The following BLM variants were observed in gnomAD, a reference collection of about 807,000 sequenced individuals.
BLM encodes the protein recQ-like DNA helicase BLM.
In BLM, 95 loss-of-function variants were observed where a neutral mutation model predicts 135.3. The ratio of observed to expected loss-of-function variants is 0.70; its 90% confidence interval spans 0.59 to 0.83. The LOEUF (loss-of-function observed/expected upper bound fraction) is 0.83. BLM is among the 40% of genes least tolerant of loss of function. The probability of loss-of-function intolerance (pLI) is 0.00; values close to 1 mark genes in which losing one functional copy is unlikely to be tolerated. For synonymous variants in BLM, 520 were observed against 589.2 expected, an observed-to-expected ratio of 0.88 and a Z score of 1.70; for missense variants, 1,518 against 1,663.9, an observed-to-expected ratio of 0.91 and a Z score of 1.53.
chr15:90,774,879 T>C (rs1326339454), intron 12 of BLM, among the ~76,000 whole-genome samples: 1 of 148,510 alleles, frequency 6.7e-6, no homozygotes, highest in Non-Finnish European at 1.5e-5. Context: ...TGGAGAAACA[T>C]AGAGAAGGGA....
Position 90,751,205 on chromosome 15 carries a change from C to T in BLM, c.800-582C>T, listed in dbSNP as rs560281930. 4.6e-5 allele frequency among the ~76,000 whole-genome samples: 7 copies of T among 152,208 alleles called. No homozygotes were observed. The East Asian group carries it at 1.2e-3, about 25-fold the overall frequency. Reference sequence around the variant, plus strand: ...CAAATATGAGAGTAAAATTTTTAAACCCCTGAATCCCATTAAGGTTACTCT... The same window carrying T: ...CAAATATGAGAGTAAAATTTTTAAATCCCTGAATCCCATTAAGGTTACTCT... On this transcript the variant is annotated intron_variant, in intron 3 of 21. Coordinates refer to ENST00000355112, the MANE Select transcript of BLM (RefSeq NM_000057.4).
chr15:90,803,847 T>C, intron 18 of BLM, 127 bp downstream of exon 18: 1 of 1,012,648 alleles, frequency 9.9e-7, no homozygotes, highest in South Asian at 1.5e-5. Context: ...TATACGAACA[T>C]ATTCTGTTTT....
intron 19 of BLM, among the ~76,000 whole-genome samples, chr15:90,807,452 G>C (rs573831421): frequency 1.3e-5 from 2 of 152,166 alleles, no homozygotes; most frequent in East Asian, 3.9e-4. Context: ...CCCAGGCTGG[G>C]TGCAGTGGTT....
At chr15:90,752,365 C>G (rs756011761) in intron 4 of BLM, among the ~76,000 whole-genome samples, 1 of 151,930 alleles carries the variant, frequency 6.6e-6, no homozygotes, top group Non-Finnish European at 1.5e-5. Flanking sequence ...TCAGTAGAGA[C>G]GAGGTTTTGC....
At chr15:90,745,501 CTAGG>C (rs1895477089) in intron 1 of BLM, among the ~76,000 whole-genome samples, 1 of 152,102 alleles carries the variant, frequency 6.6e-6, no homozygotes, top group Non-Finnish European at 1.5e-5. Context: ...TATCTGCCTC[CTAGG>C]CTCAAGCAGT....
At chr15:90,739,293 C>T (rs975123862) in intron 1 of BLM, among the ~76,000 whole-genome samples, 1 of 152,128 alleles carries the variant, frequency 6.6e-6, no homozygotes, top group Non-Finnish European at 1.5e-5. Context: ...CCCAGCTACT[C>T]AGGAGGCTCG....
At chr15:90,802,975 A>G (rs1379371434) in intron 17 of BLM, among the ~76,000 whole-genome samples, 1 of 152,086 alleles carries the variant, frequency 6.6e-6, no homozygotes, top group Non-Finnish European at 1.5e-5. Context: ...TTAAAAATTA[A>G]TAAATACTAG....
chr15:90,726,734 G>T (rs1894928338), intron 1 of BLM, among the ~76,000 whole-genome samples: 1 of 152,134 alleles, frequency 6.6e-6, no homozygotes, highest in African/African-American at 2.4e-5. Context: ...ATGTCCTCAG[G>T]TTCCATGTTG....
chr15:90,724,950 C>T (rs1255806426), intron 1 of BLM, among the ~76,000 whole-genome samples: 1 of 152,122 alleles, frequency 6.6e-6, no homozygotes, highest in East Asian at 1.9e-4. Flanking sequence ...ACTCTGTCGC[C>T]CAGGCTGGAG....
intron 1 of BLM, among the ~76,000 whole-genome samples, chr15:90,742,191 T>C (rs945989916): frequency 1.3e-5 from 2 of 152,182 alleles, no homozygotes; most frequent in East Asian, 3.8e-4. Context: ...CATAAATACC[T>C]CAACTTAAAA....
chr15:90,811,306 T>C lies in BLM; in HGVS notation c.3976T>C (p.Phe1326Leu). The C allele has an allele frequency of 6.2e-7, 1 of 1,614,104 alleles. No individual in the cohort carries two copies. Among genetic ancestry groups the C allele is most frequent in the East Asian group, 2.2e-5 (1 of 44,880 alleles). The change falls in exon 21 of 22, where the codon TTT becomes CTT. Residue 1326 changes from phenylalanine (F) to leucine (L), a missense_variant. Physicochemically the swap from Phe to Leu is conservative, Grantham distance 22 (BLOSUM62 0). This residue lies in a region of BLM where 153 missense variants were observed against 173.4 expected (regional missense o/e 0.88). Coordinates refer to ENST00000355112, the MANE Select transcript of BLM (RefSeq NM_000057.4). ...GGAAATACCCGTATCTTCCCACTAC[T>C]TTGCAAGTAAAACCAGAAATGAAAG... ...DEEIPVSSHY[F>L]ASKTRNERKR...
Position 90,766,903 on chromosome 15 carries a change from T to C in BLM, c.2194-7T>C. 1 of 1,534,766 alleles carries C rather than the reference T, an allele frequency of 6.5e-7. No individual in the cohort carries two copies. The highest frequency in any genetic ancestry group is 9.0e-7 in the Non-Finnish European group (1 of 1,109,262). ...AAATTGAAATTGTTTACTACTTTTA[T>C]ACTTAGATTCCAGCTACATATCTGA... is the stretch of plus-strand genomic sequence containing the variant. On this transcript the variant is annotated splice_region_variant and splice_polypyrimidine_tract_variant and intron_variant, in intron 9 of 21. Coordinates refer to ENST00000355112, the MANE Select transcript of BLM (RefSeq NM_000057.4).
At chr15:90,736,468 C>T (rs186763383) in intron 1 of BLM, among the ~76,000 whole-genome samples, 1 of 152,188 alleles carries the variant, frequency 6.6e-6, no homozygotes, top group East Asian at 1.9e-4. Context: ...CACCATGTTG[C>T]CCAGGCTGGT....
chr15:90,775,534 T>G (rs1896453122), intron 12 of BLM, among the ~76,000 whole-genome samples: 1 of 150,174 alleles, frequency 6.7e-6, no homozygotes, highest in African/African-American at 2.5e-5. Context: ...GTGTGTGTAT[T>G]TTAGACCAAG....
chr15:90,805,239 A>G (rs1156397729), intron 19 of BLM, among the ~76,000 whole-genome samples: 2 of 145,756 alleles, frequency 1.4e-5, no homozygotes, highest in South Asian at 2.3e-4. Flanking sequence ...ACTTTGTTAT[A>G]TATGGTATAA....
chr15:90,748,431 T>C (rs1383139372), intron 2 of BLM, among the ~76,000 whole-genome samples: 1 of 152,200 alleles, frequency 6.6e-6, no homozygotes, highest in African/African-American at 2.4e-5. Flanking sequence ...TAATTTTATA[T>C]ACTTTCGAAG....
chr15:90,760,314 A>T (rs990090833), intron 6 of BLM, 35 bp downstream of exon 6: 3 of 1,611,734 alleles, frequency 1.9e-6, no homozygotes, highest in Admixed American at 3.3e-5. Flanking sequence ...AATATATCTG[A>T]TTATATTTCT....
intron 4 of BLM, 101 bp downstream of exon 4, chr15:90,752,047 T>G (rs1895701694): frequency 8.8e-7 from 1 of 1,132,052 alleles, no homozygotes; most frequent in South Asian, 1.5e-5. Flanking sequence ...TATTTTGTGC[T>G]TTCTACAATT....
chr15:90,800,539 G>T (rs1398513583), intron 17 of BLM, among the ~76,000 whole-genome samples: 1 of 152,150 alleles, frequency 6.6e-6, no homozygotes, highest in Non-Finnish European at 1.5e-5. Context: ...AATAAGCTGG[G>T]CGTGGTGGCA....
Sources: gnomAD v4.1 joint callset for allele counts (sites outside exome capture counted in the v4.1 genomes callset) on GRCh38, gnomAD v4.1.1 for gene constraint, gnomAD v4.1.1 regional missense constraint, MANE v1.5 for transcripts, NCBI Gene and HGNC (gene_info 2026-07-23, HGNC 2026-07-21) for gene names.